Variants in MMP16 observed in about 807,000 individuals in gnomAD.
MMP16 encodes the protein matrix metalloproteinase-16.
MMP16 carries 12 observed loss-of-function variants against 67.8 expected under a neutral mutation model. The observed-to-expected ratio is 0.18, with a 90% confidence interval of 0.11 to 0.29. MMP16 has a LOEUF of 0.29. Ranked by LOEUF, MMP16 falls within the 10% of genes least tolerant of loss-of-function variation. The pLI is 1.00. For missense variants in MMP16, 475 were observed against 765.7 expected, an observed-to-expected ratio of 0.62 and a Z score of 4.48; for synonymous variants, 249 against 255.9, an observed-to-expected ratio of 0.97 and a Z score of 0.26.
intron 6 of MMP16, among the ~76,000 whole-genome samples, chr8:88,112,666 G>GGTGTGGGTGTGTGTGTGTGT (rs1809356480): frequency 1.4e-5 from 2 of 146,790 alleles, no homozygotes; most frequent in African/African-American, 5.1e-5. Flanking sequence ...AGGACAGAAG[G>GGTGTGGGTGTGTGTGTGTGT]GTGTGTGTGT....
At chr8:88,318,685 A>C (rs1301690352) in intron 1 of MMP16, among the ~76,000 whole-genome samples, 1 of 152,186 alleles carries the variant, frequency 6.6e-6, no homozygotes, top group African/African-American at 2.4e-5. Flanking sequence ...TGTGTTGCAG[A>C]TCCAACACTG....
chr8:88,287,748 T>G (rs1045949376), intron 1 of MMP16, among the ~76,000 whole-genome samples: 11 of 152,186 alleles, frequency 7.2e-5, no homozygotes, highest in Admixed American at 2.6e-4. Context: ...AAACTAACAT[T>G]TATTGATCAC....
rs1323825291 is a variant in MMP16, at chr8:88,118,733, T to C, written c.838A>G (p.Asn280Asp). Reference protein sequence around the residue: ...YMETDNFKLPNDDLQGIQKIY... With the variant: ...YMETDNFKLPDDDLQGIQKIY... The stretch of plus-strand genomic sequence containing the variant: ...TTCTGGATGCCCTGTAAATCATCAT[T>C]AGGTAGTTTGAAGTTGTCTGTTTCC... The change falls in exon 5 of 10, where the codon AAT becomes GAT. Residue 280 changes from asparagine (N) to aspartate (D), a missense_variant. By Grantham distance (23) the Asn-to-Asp change is conservative. This residue lies in a region of MMP16 where 195 missense variants were observed against 300.9 expected (regional missense o/e 0.65). Transcript: ENST00000286614. 9 of 1,613,238 alleles carry C rather than the reference T, an allele frequency of 5.6e-6. No homozygotes were observed. The highest frequency in any genetic ancestry group is 2.2e-5 in the East Asian group (1 of 44,818).
chr8:88,230,872 A>G (rs1809849626), intron 1 of MMP16, among the ~76,000 whole-genome samples: 1 of 152,144 alleles, frequency 6.6e-6, no homozygotes, highest in Non-Finnish European at 1.5e-5. Context: ...ATGAAGTTGC[A>G]TATATTGCAA....
intron 2 of MMP16, among the ~76,000 whole-genome samples, chr8:88,188,792 A>C (rs1453886002): frequency 6.6e-6 from 1 of 151,828 alleles, no homozygotes. Flanking sequence ...AGTAGCTGGG[A>C]TTACAGGCAT....
chr8:88,190,006 A>G (rs1046019733), intron 2 of MMP16, among the ~76,000 whole-genome samples: 1 of 152,206 alleles, frequency 6.6e-6, no homozygotes, highest in Non-Finnish European at 1.5e-5. Flanking sequence ...ACAATCCTAT[A>G]TATTTCTTGA....
At chr8:88,299,946 G>T (rs1029307050) in intron 1 of MMP16, among the ~76,000 whole-genome samples, 1 of 152,038 alleles carries the variant, frequency 6.6e-6, no homozygotes, top group South Asian at 2.1e-4. Flanking sequence ...GTGTGTGCTA[G>T]GTACTAAATA....
At position 88,033,477 on chromosome 8, in the gene MMP16, C is replaced by T. The variant is rs963717280; in HGVS notation, c.*7984G>A. 6.6e-6 allele frequency: 1 copy of T among 151,656 alleles called. No homozygotes were observed. Among genetic ancestry groups the T allele is most frequent in the Admixed American group, 6.6e-5 (1 of 15,182 alleles). The allele number at this position is 151,656 out of a possible 1,614,324, so 9.4% of individuals were successfully genotyped here. A position where few individuals can be genotyped will look rare whatever the true frequency, so the allele number is the denominator to read the frequency against. ...TAGGTTACTATACTGATGAAGCAGG[C>T]AAGTTTCTCAAGGTCAATAATTGAT... is the stretch of plus-strand genomic sequence containing the variant. On this transcript the variant is annotated 3_prime_UTR_variant, in exon 10 of 10. Coordinates refer to ENST00000286614, the MANE Select transcript of MMP16 (RefSeq NM_005941.5).
intron 1 of MMP16, among the ~76,000 whole-genome samples, chr8:88,323,112 AC>A (rs1242203865): frequency 1.3e-5 from 2 of 152,172 alleles, no homozygotes; most frequent in Non-Finnish European, 2.9e-5. Flanking sequence ...TCAGGAGACA[AC>A]CTTTACTCAA....
intron 4 of MMP16, among the ~76,000 whole-genome samples, chr8:88,129,424 A>C (rs2118467427): frequency 6.6e-6 from 1 of 151,818 alleles, no homozygotes; most frequent in South Asian, 2.1e-4. Context: ...AAAAACTTAT[A>C]AACAAATTTG....
chr8:88,038,719 T>G lies in MMP16; in HGVS notation c.*2742A>C, dbSNP rs550263986. 2.0e-5 allele frequency: 3 copies of G among 152,598 alleles called. No individual in the cohort carries two copies. The highest frequency in any genetic ancestry group is 4.4e-5 in the Non-Finnish European group (3 of 68,004). The allele number at this position is 152,598 out of a possible 1,614,324, so 9.5% of individuals were successfully genotyped here. ...ACGAGCTTATGTATATAGTCCTCCA[T>G]GCTTAGCAGCAGTGACTAACTCTTT... is the stretch of plus-strand genomic sequence containing the variant. On this transcript the variant is annotated 3_prime_UTR_variant, in exon 10 of 10. Coordinates refer to ENST00000286614, the MANE Select transcript of MMP16 (RefSeq NM_005941.5). The surrounding 1 kb of genome is among the most constrained non-coding windows in gnomAD (Gnocchi z 4.1).
chr8:88,071,512 TAGAG>T (rs1378867428), intron 7 of MMP16, among the ~76,000 whole-genome samples: 1 of 151,708 alleles, frequency 6.6e-6, no homozygotes, highest in Non-Finnish European at 1.5e-5. Flanking sequence ...ATGATTTCTG[TAGAG>T]AGAGAAGAAG....
chr8:88,087,217 G>A (rs1586143808), intron 6 of MMP16, among the ~76,000 whole-genome samples: 1 of 151,808 alleles, frequency 6.6e-6, no homozygotes, highest in Admixed American at 6.6e-5. Flanking sequence ...TAAGTAGGCT[G>A]GCCAATGTGC....
chr8:88,133,027 C>G (rs1451842058), intron 4 of MMP16, among the ~76,000 whole-genome samples: 2 of 151,952 alleles, frequency 1.3e-5, no homozygotes, highest in Admixed American at 6.6e-5. Context: ...AGGATTCAAA[C>G]CTAGGTCTAC....
chr8:88,098,051 T>A (rs1809059885), intron 6 of MMP16, among the ~76,000 whole-genome samples: 1 of 151,878 alleles, frequency 6.6e-6, no homozygotes, highest in Non-Finnish European at 1.5e-5. Context: ...ACTGCAAGTT[T>A]GAGAGATTCC....
intron 4 of MMP16, among the ~76,000 whole-genome samples, chr8:88,143,481 A>G (rs1046158388): frequency 6.6e-6 from 1 of 152,096 alleles, no homozygotes; most frequent in African/African-American, 2.4e-5. Context: ...CTTATAATCT[A>G]TTCTGTCTAA....
chr8:88,320,467 A>G (rs1263542118), intron 1 of MMP16, among the ~76,000 whole-genome samples: 1 of 152,192 alleles, frequency 6.6e-6, no homozygotes, highest in Non-Finnish European at 1.5e-5. Context: ...AAAATAAGAG[A>G]AATGTAAAGC....
intron 1 of MMP16, among the ~76,000 whole-genome samples, chr8:88,211,427 T>C (rs1395890528): frequency 6.6e-6 from 1 of 152,116 alleles, no homozygotes; most frequent in East Asian, 1.9e-4. Flanking sequence ...AAGTAAGGTA[T>C]TTGTTATCAA....
At chr8:88,241,220 T>C (rs181639192) in intron 1 of MMP16, among the ~76,000 whole-genome samples, 72 of 152,258 alleles carry the variant, frequency 4.7e-4, no homozygotes, top group Non-Finnish European at 9.1e-4. Flanking sequence ...TGATTGCACC[T>C]CCATTCTGTG....
Sources: gnomAD v4.1 joint callset for allele counts (sites outside exome capture counted in the v4.1 genomes callset) on GRCh38, gnomAD v4.1.1 for gene constraint, gnomAD v4.1.1 regional missense constraint, Gnocchi (gnomAD v3.1) non-coding constraint, MANE v1.5 for transcripts, NCBI Gene and HGNC (gene_info 2026-07-23, HGNC 2026-07-21) for gene names.